Variants in CNTNAP2 observed in about 807,000 individuals in gnomAD.
CNTNAP2 encodes the protein contactin-associated protein-like 2.
In CNTNAP2, 98 loss-of-function variants were observed where a neutral mutation model predicts 155.2. The observed-to-expected ratio is 0.63, with a 90% CI of 0.54 to 0.75. The LOEUF (loss-of-function observed/expected upper bound fraction) is 0.75, where lower values mean the gene tolerates loss of function less well. Among genes scored for constraint, CNTNAP2 ranks in the 30% least tolerant of loss-of-function variants. CNTNAP2 has a pLI of 0.00. For synonymous variants in CNTNAP2, 651 were observed against 631.2 expected (o/e 1.03, Z -0.47); for missense variants, 1,727 against 1,688.1 (o/e 1.02, Z -0.40).
intron 9 of CNTNAP2, among the ~76,000 whole-genome samples, chr7:147,321,768 T>C (rs1310091021): frequency 6.6e-6 from 1 of 152,202 alleles, no homozygotes; most frequent in African/African-American, 2.4e-5. Context: ...AACAAAGATC[T>C]CAGCTTTCCA....
chr7:148,243,482 C>T (rs543319072), intron 20 of CNTNAP2, among the ~76,000 whole-genome samples: 1 of 152,164 alleles, frequency 6.6e-6, no homozygotes, highest in Non-Finnish European at 1.5e-5. Flanking sequence ...GGAAAAGTCA[C>T]GGTTCCACAT....
chr7:147,301,661 A>C (rs1794948973), intron 9 of CNTNAP2, among the ~76,000 whole-genome samples: 1 of 143,906 alleles, frequency 6.9e-6, no homozygotes, highest in Non-Finnish European at 1.5e-5. Context: ...TTTTTAGAGT[A>C]AGGTGACATG....
intron 13 of CNTNAP2, among the ~76,000 whole-genome samples, chr7:147,881,042 A>C (rs1020533767): frequency 6.6e-6 from 1 of 152,128 alleles, no homozygotes; most frequent in African/African-American, 2.4e-5. Flanking sequence ...AGGAGGAAAA[A>C]CTGCTGTAAG....
chr7:147,903,052 C>T lies in CNTNAP2; in HGVS notation c.2099-513C>T, dbSNP rs183448025. ...TTTAGTTCTTTAAGGAATCTCCACG[C>T]TGTTTTCCATAGTGGTTGTACTAGT... On this transcript the variant is annotated intron_variant, in intron 13 of 23. Transcript: ENST00000361727. Among the ~76,000 whole-genome samples, 766 of 152,212 alleles carry T rather than the reference C, an allele frequency of 5.0e-3. 1 individual carries two copies. The highest frequency in any genetic ancestry group is 0.017 in the Middle Eastern group (5 of 292).
Position 147,917,553 on chromosome 7 carries a change from A to C in CNTNAP2, c.2255+13832A>C, listed in dbSNP as rs189075514. ...GAAAGAGAGCATGCCTTTTCCTTCC[A>C]AGAATGACTTTACATACCACTTCCA... On this transcript the variant is annotated intron_variant, in intron 14 of 23. Coordinates refer to ENST00000361727, the MANE Select transcript of CNTNAP2 (RefSeq NM_014141.6). Among the ~76,000 whole-genome samples the C allele has an allele frequency of 8.1e-4, 124 of 152,322 alleles. No homozygotes were observed. The Middle Eastern group carries it at 0.017, about 21-fold the overall frequency.
At chr7:146,191,713 G>A (rs781040889) in intron 1 of CNTNAP2, among the ~76,000 whole-genome samples, 16 of 152,084 alleles carry the variant, frequency 1.1e-4, no homozygotes, top group African/African-American at 1.7e-4. Context: ...AGAATTCAGC[G>A]ATATTTCTCC....
chr7:146,164,792 C>T (rs544615815), intron 1 of CNTNAP2, among the ~76,000 whole-genome samples: 3 of 149,532 alleles, frequency 2.0e-5, no homozygotes, highest in East Asian at 3.9e-4. Context: ...ACGCATCTTC[C>T]GTTTCTCTAT....
intron 3 of CNTNAP2, among the ~76,000 whole-genome samples, chr7:147,008,571 G>GT (rs1429093677): frequency 1.3e-5 from 2 of 152,038 alleles, no homozygotes; most frequent in Non-Finnish European, 2.9e-5. Context: ...AAAAACAGGA[G>GT]TTTTTTAAGA....
chr7:147,241,500 C>T lies in CNTNAP2; in HGVS notation c.1349-58641C>T, dbSNP rs188885897. Among the ~76,000 whole-genome samples, 400 of 151,958 alleles carry T rather than the reference C, an allele frequency of 2.6e-3. 6 individuals are homozygous for T. Among genetic ancestry groups the T allele is most frequent in the South Asian group, 1.2e-3 (6 of 4,806 alleles). ...AAAATTACCTGGGCGTGGTTGCATGCGCCTGTAATCCCAGCTACTCAGGAG... is the reference window on the plus strand; with the variant it reads ...AAAATTACCTGGGCGTGGTTGCATGTGCCTGTAATCCCAGCTACTCAGGAG... On this transcript the variant is annotated intron_variant, in intron 8 of 23. Transcript: ENST00000361727.
intron 3 of CNTNAP2, among the ~76,000 whole-genome samples, chr7:146,998,947 T>C (rs1798364363): frequency 6.6e-6 from 1 of 152,014 alleles, no homozygotes; most frequent in African/African-American, 2.4e-5. Flanking sequence ...TTTTTTTAAA[T>C]TCATTCAGCT....
chr7:147,328,242 C>T (rs893928408), intron 9 of CNTNAP2, among the ~76,000 whole-genome samples: 5 of 152,026 alleles, frequency 3.3e-5, no homozygotes, highest in African/African-American at 9.7e-5. Context: ...CTGGAATCCA[C>T]GATAAAGAGG....
chr7:146,704,157 T>C (rs895826931), intron 1 of CNTNAP2, among the ~76,000 whole-genome samples: 1 of 152,162 alleles, frequency 6.6e-6, no homozygotes, highest in Non-Finnish European at 1.5e-5. Flanking sequence ...ACAACCTTTT[T>C]TGCATTGACA....
chr7:146,840,630 G>A (rs1243879409), intron 3 of CNTNAP2, among the ~76,000 whole-genome samples: 1 of 152,066 alleles, frequency 6.6e-6, no homozygotes, highest in African/African-American at 2.4e-5. Context: ...AAAGGGAGAG[G>A]ATGAAAGGGA....
chr7:147,656,813 AG>A (rs1201557459), intron 13 of CNTNAP2, among the ~76,000 whole-genome samples: 9 of 152,362 alleles, frequency 5.9e-5, no homozygotes, highest in Non-Finnish European at 1.0e-4. Flanking sequence ...TACTCGAAGC[AG>A]GGTTGCCACA....
At chr7:147,675,001 C>T (rs1795845306) in intron 13 of CNTNAP2, among the ~76,000 whole-genome samples, 1 of 151,926 alleles carries the variant, frequency 6.6e-6, no homozygotes, top group South Asian at 2.1e-4. Flanking sequence ...CAAATCACCA[C>T]AAACTTTGTG....
rs531088557 is a variant in CNTNAP2 at position 146,621,054 on chromosome 7, G to T, written c.98-153217G>T. On this transcript the variant is annotated intron_variant, in intron 1 of 23. Coordinates refer to ENST00000361727, the MANE Select transcript of CNTNAP2 (RefSeq NM_014141.6). ...TTGAACCGGGACATATCCATATATC[G>T]ATCTCAACTTTAGCCGAATTTTCTT... 3.3e-5 allele frequency among the ~76,000 whole-genome samples: 5 copies of T among 151,920 alleles called. No homozygotes were observed. In the South Asian group the frequency reaches 8.4e-4, roughly 25 times the overall value.
At chr7:147,073,859 A>G (rs1474543386) in intron 4 of CNTNAP2, among the ~76,000 whole-genome samples, 1 of 152,112 alleles carries the variant, frequency 6.6e-6, no homozygotes, top group African/African-American at 2.4e-5. Context: ...AACCTGGGTG[A>G]TGTGAATGGA....
At chr7:148,020,502 C>T (rs1173354925) in intron 15 of CNTNAP2, among the ~76,000 whole-genome samples, 1 of 152,198 alleles carries the variant, frequency 6.6e-6, no homozygotes, top group African/African-American at 2.4e-5. Flanking sequence ...CATATTCTCA[C>T]TCTGCTGATA....
intron 1 of CNTNAP2, among the ~76,000 whole-genome samples, chr7:146,366,271 G>T (rs1420347547): frequency 6.6e-6 from 1 of 151,572 alleles, no homozygotes; most frequent in East Asian, 1.9e-4. Context: ...TTTTTTATCC[G>T]TTAGTCTAGA....
Sources: gnomAD v4.1 joint callset for allele counts (sites outside exome capture counted in the v4.1 genomes callset) on GRCh38, gnomAD v4.1.1 for gene constraint, MANE v1.5 for transcripts, NCBI Gene and HGNC (gene_info 2026-07-23, HGNC 2026-07-21) for gene names.